The following ERBB4 variants were observed in gnomAD, a reference collection of about 807,000 sequenced individuals.
ERBB4 encodes erb-b2 receptor tyrosine kinase 4, also known as receptor tyrosine-protein kinase erbB-4.
In ERBB4, 42 loss-of-function variants were observed where a neutral mutation model predicts 158.0. The observed-to-expected ratio is 0.27, with a 90% confidence interval of 0.21 to 0.34. ERBB4 has a LOEUF of 0.34. Among genes scored for constraint, ERBB4 ranks in the 10% least tolerant of loss-of-function variants. The pLI, the probability that ERBB4 is intolerant of heterozygous loss-of-function variation, is 1.00. For synonymous variants in ERBB4, 583 were observed against 558.7 expected (o/e 1.04, Z -0.61); for missense variants, 1,333 against 1,624.1 (o/e 0.82, Z 3.08).
intron 20 of ERBB4, among the ~76,000 whole-genome samples, chr2:211,433,592 A>AAAT (rs1559163853): frequency 6.0e-5 from 9 of 150,106 alleles, no homozygotes; most frequent in African/African-American, 2.0e-4. Flanking sequence ...AAAATAAAAT[A>AAAT]AAATAAAAAA....
At chr2:212,092,595 A>G (rs2078811505) in intron 2 of ERBB4, among the ~76,000 whole-genome samples, 1 of 152,214 alleles carries the variant, frequency 6.6e-6, no homozygotes, top group Non-Finnish European at 1.5e-5. Context: ...ATATATACAA[A>G]TTTAACTAAC....
At chr2:211,916,104 G>T (rs1427343814) in intron 3 of ERBB4, among the ~76,000 whole-genome samples, 1 of 151,672 alleles carries the variant, frequency 6.6e-6, no homozygotes, top group Non-Finnish European at 1.5e-5. Flanking sequence ...AAAATATCTA[G>T]AGTGCCCATA....
chr2:211,877,630 T>C (rs1023826962), intron 3 of ERBB4, among the ~76,000 whole-genome samples: 18 of 152,242 alleles, frequency 1.2e-4, no homozygotes, highest in Middle Eastern at 6.8e-3. Flanking sequence ...TTTGCTACTA[T>C]ACAGTCATGT....
chr2:211,611,067 C>A (rs974683299), intron 19 of ERBB4, among the ~76,000 whole-genome samples: 3 of 152,064 alleles, frequency 2.0e-5, no homozygotes, highest in African/African-American at 7.2e-5. Flanking sequence ...TCTGTTAACT[C>A]TCAACTGGAA....
chr2:211,381,455 G>A lies in ERBB4; in HGVS notation c.*2160C>T, dbSNP rs1423135442. ...AACTTATATCCCAAATGAGTTTAAA[G>A]GAGATATCTTACAGTACAACTGATT... is the stretch of plus-strand genomic sequence containing the variant. On this transcript the variant is annotated 3_prime_UTR_variant, in exon 28 of 28. Coordinates refer to ENST00000342788, the MANE Select transcript of ERBB4 (RefSeq NM_005235.3). The A allele has an allele frequency of 8.6e-6, 2 of 231,816 alleles. No individual in the cohort carries two copies. Among genetic ancestry groups the A allele is most frequent in the Non-Finnish European group, 1.7e-5 (2 of 117,266 alleles). 14.4% of individuals were successfully genotyped at this position (231,816 alleles called of 1,614,324 possible). A position where few individuals can be genotyped will look rare whatever the true frequency, so the allele number is the denominator to read the frequency against.
chr2:212,154,475 A>C (rs371803068), intron 1 of ERBB4, among the ~76,000 whole-genome samples: 2 of 152,140 alleles, frequency 1.3e-5, no homozygotes, highest in South Asian at 2.1e-4. Context: ...TACTCACTTG[A>C]ATCTATGTAT....
At chr2:211,945,973 T>C (rs1472589545) in intron 3 of ERBB4, among the ~76,000 whole-genome samples, 1 of 152,090 alleles carries the variant, frequency 6.6e-6, no homozygotes, top group Non-Finnish European at 1.5e-5. Context: ...CATATTACAG[T>C]ATTTTTAGAT....
intron 3 of ERBB4, among the ~76,000 whole-genome samples, chr2:211,812,386 T>C (rs985369836): frequency 6.6e-6 from 1 of 152,200 alleles, no homozygotes; most frequent in Non-Finnish European, 1.5e-5. Flanking sequence ...ACAGCAAATA[T>C]TGCTGCCTGA....
At chr2:212,236,013 A>G (rs2083858057) in intron 1 of ERBB4, among the ~76,000 whole-genome samples, 1 of 152,186 alleles carries the variant, frequency 6.6e-6, no homozygotes, top group Non-Finnish European at 1.5e-5. Flanking sequence ...GTTGAATAGG[A>G]GTGATGAGAA....
chr2:212,313,849 G>A (rs150397401), intron 1 of ERBB4, among the ~76,000 whole-genome samples: 1 of 150,992 alleles, frequency 6.6e-6, no homozygotes, highest in Non-Finnish European at 1.5e-5. Flanking sequence ...ATTAACTACT[G>A]TTCAATCTCC....
chr2:211,601,898 C>T (rs2068813002), intron 19 of ERBB4, among the ~76,000 whole-genome samples: 1 of 152,022 alleles, frequency 6.6e-6, no homozygotes, highest in Admixed American at 6.6e-5. Context: ...TATTGGGGGT[C>T]ATATAATTGT....
At chr2:212,230,772 T>A (rs2083637884) in intron 1 of ERBB4, among the ~76,000 whole-genome samples, 1 of 152,166 alleles carries the variant, frequency 6.6e-6, no homozygotes, top group Admixed American at 6.6e-5. Flanking sequence ...CTATTTAAAA[T>A]CAGGAGTTAT....
chr2:212,086,206 T>C (rs575536460), intron 2 of ERBB4, among the ~76,000 whole-genome samples: 1 of 152,080 alleles, frequency 6.6e-6, no homozygotes, highest in East Asian at 1.9e-4. Flanking sequence ...TGCCACGTTT[T>C]CTATTATGTG....
intron 2 of ERBB4, among the ~76,000 whole-genome samples, chr2:212,014,726 G>C (rs1367765190): frequency 6.6e-6 from 1 of 151,816 alleles, no homozygotes; most frequent in African/African-American, 2.4e-5. Flanking sequence ...CATTCTTCCT[G>C]TTTAAAAGTA....
intron 2 of ERBB4, among the ~76,000 whole-genome samples, chr2:212,090,931 A>C (rs190095033): frequency 6.6e-6 from 1 of 152,144 alleles, no homozygotes; most frequent in Non-Finnish European, 1.5e-5. Flanking sequence ...TTTTTCTAAC[A>C]ATCTCCACCC....
At chr2:211,559,366 C>G (rs2067323960) in intron 20 of ERBB4, among the ~76,000 whole-genome samples, 2 of 152,176 alleles carry the variant, frequency 1.3e-5, no homozygotes, top group Non-Finnish European at 2.9e-5. Context: ...ACTTCAGTAA[C>G]TACCTACAGC....
At chr2:211,823,917 C>T (rs2077044349) in intron 3 of ERBB4, among the ~76,000 whole-genome samples, 1 of 151,948 alleles carries the variant, frequency 6.6e-6, no homozygotes, top group South Asian at 2.1e-4. Flanking sequence ...AGATATAATA[C>T]ACAATATGTA....
intron 1 of ERBB4, among the ~76,000 whole-genome samples, chr2:212,211,511 T>G (rs1285318480): frequency 1.3e-5 from 2 of 151,870 alleles, no homozygotes; most frequent in East Asian, 3.9e-4. Context: ...TCTAATAAAA[T>G]AGTTACAATT....
chr2:212,177,023 T>C (rs1335633396), intron 1 of ERBB4, among the ~76,000 whole-genome samples: 1 of 151,130 alleles, frequency 6.6e-6, no homozygotes. Context: ...CAGTATTACT[T>C]TATGAAGCAA....
Sources: allele counts gnomAD v4.1 joint callset (sites outside exome capture counted in the v4.1 genomes callset), GRCh38; gene constraint gnomAD v4.1.1; transcripts MANE v1.5; gene names NCBI Gene and HGNC (gene_info 2026-07-23, HGNC 2026-07-21).